SCOC: variants seen among roughly 807,000 people sequenced by gnomAD.
SCOC encodes the protein short coiled coil protein.
A neutral mutation model predicts 9.9 loss-of-function variants in SCOC; 7 were observed. The observed-to-expected ratio is 0.71, with a 90% CI of 0.40 to 1.33. The LOEUF is 1.33. Ranked by LOEUF, SCOC falls within the 40% of genes most tolerant of loss-of-function variation. SCOC has a pLI of 0.01. For missense variants in SCOC, 66 were observed against 89.7 expected (o/e 0.74, Z 1.07); for synonymous variants, 19 against 28.2 (o/e 0.67, Z 1.03).
intron 1 of SCOC, among the ~76,000 whole-genome samples, chr4:140,295,930 CAAAAAAAAA>C (rs1203213131): frequency 1.9e-5 from 1 of 53,062 alleles, no homozygotes; most frequent in Non-Finnish European, 3.6e-5. Flanking sequence ...GACTCCGTCT[CAAAAAAAAA>C]AAAAAAAAGA....
chr4:140,307,956 A>G (rs542175613), intron 1 of SCOC, among the ~76,000 whole-genome samples: 3 of 152,340 alleles, frequency 2.0e-5, no homozygotes, highest in African/African-American at 7.2e-5. Flanking sequence ...TTGATCAACC[A>G]CAGGAAGACG....
chr4:140,336,035 G>C (rs1001833482), intron 1 of SCOC, among the ~76,000 whole-genome samples: 28 of 152,044 alleles, frequency 1.8e-4, no homozygotes, highest in South Asian at 1.0e-3. Context: ...CTTTGATGCA[G>C]GTGTATTCTG....
intron 1 of SCOC, among the ~76,000 whole-genome samples, chr4:140,324,589 T>A (rs1732592662): frequency 6.6e-6 from 1 of 152,142 alleles, no homozygotes. Flanking sequence ...TCATTTACAA[T>A]TGCACTGAAA....
intron 1 of SCOC, among the ~76,000 whole-genome samples, chr4:140,318,339 G>T (rs1176607566): frequency 1.6e-5 from 2 of 122,882 alleles, no homozygotes; most frequent in Non-Finnish European, 3.2e-5. Context: ...ATCTGACAAA[G>T]GGCTAATATC....
chr4:140,300,248 A>G (rs1731773924), intron 1 of SCOC, among the ~76,000 whole-genome samples: 1 of 152,218 alleles, frequency 6.6e-6, no homozygotes, highest in South Asian at 2.1e-4. Flanking sequence ...CATATCATAA[A>G]GAGTGTCAGG....
At chr4:140,360,251 T>G (rs894621867) in intron 2 of SCOC, among the ~76,000 whole-genome samples, 20 of 152,208 alleles carry the variant, frequency 1.3e-4, no homozygotes, top group Admixed American at 1.3e-3. Context: ...AGAAGCTGAT[T>G]TTGAACCAAT....
At chr4:140,302,541 C>T (rs1266382334) in intron 1 of SCOC, among the ~76,000 whole-genome samples, 2 of 152,186 alleles carry the variant, frequency 1.3e-5, no homozygotes, top group Admixed American at 6.5e-5. Flanking sequence ...CTGAGGCTTT[C>T]GTTCTCCCAT....
At chr4:140,347,421 G>A (rs1182732872) in intron 2 of SCOC, among the ~76,000 whole-genome samples, 1 of 152,164 alleles carries the variant, frequency 6.6e-6, no homozygotes. Context: ...ACATTAGACG[G>A]CATTGATCTC....
intron 1 of SCOC, among the ~76,000 whole-genome samples, chr4:140,263,571 T>C (rs1011743686): frequency 4.6e-5 from 7 of 152,166 alleles, no homozygotes; most frequent in Admixed American, 6.5e-5. Context: ...TACCCAGTGG[T>C]CTGACAGAGC....
chr4:140,331,852 G>A (rs188410755), intron 1 of SCOC, among the ~76,000 whole-genome samples: 1 of 152,282 alleles, frequency 6.6e-6, no homozygotes, highest in East Asian at 1.9e-4. Flanking sequence ...AGAAACATCT[G>A]AGACTGGGTA....
intron 1 of SCOC, among the ~76,000 whole-genome samples, chr4:140,262,317 C>T (rs1730650044): frequency 6.6e-6 from 1 of 152,160 alleles, no homozygotes; most frequent in Non-Finnish European, 1.5e-5. Flanking sequence ...CCTTTGTTTG[C>T]TGAAGATTGA....
At chr4:140,353,213 C>T (rs1460013356) in intron 2 of SCOC, among the ~76,000 whole-genome samples, 2 of 152,086 alleles carry the variant, frequency 1.3e-5, no homozygotes, top group Admixed American at 6.5e-5. Context: ...AAGAACAGGA[C>T]AAACCAGATG....
At chr4:140,367,971 A>G (rs1727874172) in intron 2 of SCOC, among the ~76,000 whole-genome samples, 1 of 152,212 alleles carries the variant, frequency 6.6e-6, no homozygotes, top group Admixed American at 6.5e-5. Flanking sequence ...GTTATTTTAC[A>G]CCATGTTAAG....
At chr4:140,379,515 T>C (rs775036198) in intron 2 of SCOC, 54 bp from the exon 3 acceptor site, 11 of 1,296,618 alleles carry the variant, frequency 8.5e-6, no homozygotes, top group Non-Finnish European at 1.2e-5. Flanking sequence ...AGTGCTACCC[T>C]ACACAAATGT....
chr4:140,382,601 A>G lies in SCOC; in HGVS notation c.*1497A>G, dbSNP rs1728609438. ...GCCTAAGTAAATGGGGTATTTAGGT[A>G]TAGTGGTGTATCCAGGGTTATTCAA... On this transcript the variant is annotated 3_prime_UTR_variant, in exon 4 of 4. Transcript: ENST00000608372. 6.6e-6 allele frequency: 1 copy of G among 152,636 alleles called. No individual in the cohort carries two copies. Among genetic ancestry groups the G allele is most frequent in the African/African-American group, 2.4e-5 (1 of 41,448 alleles). 9.5% of individuals were successfully genotyped at this position (152,636 alleles called of 1,614,324 possible). A position where few individuals can be genotyped will look rare whatever the true frequency, so the allele number is the denominator to read the frequency against.
chr4:140,340,849 T>C (rs901255846), upstream of SCOC, among the ~76,000 whole-genome samples: 1 of 140,386 alleles, frequency 7.1e-6, no homozygotes, highest in Non-Finnish European at 1.5e-5. Flanking sequence ...TGGAGTGCAG[T>C]GGCGAGATCT....
intron 1 of SCOC, among the ~76,000 whole-genome samples, chr4:140,275,563 T>G (rs1379400340): frequency 6.6e-6 from 1 of 152,234 alleles, no homozygotes; most frequent in African/African-American, 2.4e-5. Context: ...TAAGCAGTTG[T>G]TGCATATTTT....
intron 2 of SCOC, 126 bp from the exon 3 acceptor site, chr4:140,379,443 A>AT (rs1157872654): frequency 1.2e-5 from 9 of 766,486 alleles, no homozygotes; most frequent in Middle Eastern, 7.5e-4. Flanking sequence ...ACAAAATTTT[A>AT]TTTCACAGGG....
At position 140,385,680 on chromosome 4, in the gene SCOC, G is replaced by C. The variant is rs1248312773; in HGVS notation, c.*4576G>C. On this transcript the variant is annotated 3_prime_UTR_variant, in exon 4 of 4. Transcript: ENST00000608372. ...GAAAAGCAAAATAGATCTTTAGAAT[G>C]TAAAGCCATTCTTTACTTTGCCCAA... is the stretch of plus-strand genomic sequence containing the variant. The C allele has an allele frequency of 2.0e-5, 3 of 152,160 alleles. No individual in the cohort carries two copies. The highest frequency in any genetic ancestry group is 7.2e-5 in the African/African-American group (3 of 41,436). 9.4% of individuals were successfully genotyped at this position (152,160 alleles called of 1,614,324 possible).
Sources: allele counts gnomAD v4.1 joint callset (sites outside exome capture counted in the v4.1 genomes callset), GRCh38; gene constraint gnomAD v4.1.1; transcripts MANE v1.5; gene names NCBI Gene and HGNC (gene_info 2026-07-23, HGNC 2026-07-21).